The following PSD3 variants were observed in gnomAD, a reference collection of about 807,000 sequenced individuals.
PSD3 encodes the protein pleckstrin and Sec7 domain containing 3, also known as PH and SEC7 domain-containing protein 3.
PSD3 carries 49 observed loss-of-function variants against 105.5 expected under a neutral mutation model. The observed-to-expected ratio is 0.46, with a 90% CI of 0.37 to 0.59. The LOEUF (loss-of-function observed/expected upper bound fraction) is 0.59, where lower values mean the gene tolerates loss of function less well. PSD3 is among the 20% of genes least tolerant of loss of function. The probability of loss-of-function intolerance (pLI) is 0.00; values close to 1 mark genes in which losing one functional copy is unlikely to be tolerated. For missense variants in PSD3, 1,561 were observed against 1,263.8 expected, an observed-to-expected ratio of 1.24 and a Z score of -3.57; for synonymous variants, 557 against 457.8, an observed-to-expected ratio of 1.22 and a Z score of -2.77.
At chr8:18,687,611 G>A (rs1022196436) in intron 9 of PSD3, among the ~76,000 whole-genome samples, 5 of 151,730 alleles carry the variant, frequency 3.3e-5, no homozygotes, top group Non-Finnish European at 4.4e-5. Context: ...CCCTCTGCCC[G>A]AAACAAGAAC....
chr8:18,583,525 C>A (rs1336175093), intron 12 of PSD3, among the ~76,000 whole-genome samples: 1 of 152,202 alleles, frequency 6.6e-6, no homozygotes, highest in Non-Finnish European at 1.5e-5. Flanking sequence ...TAACATGGTT[C>A]TCTAGGCTCT....
intron 3 of PSD3, among the ~76,000 whole-genome samples, chr8:18,871,080 C>A (rs1397554814): frequency 6.6e-6 from 1 of 152,144 alleles, no homozygotes; most frequent in Non-Finnish European, 1.5e-5. Flanking sequence ...GCCCGGGGGA[C>A]AGAACAAGAC....
intron 2 of PSD3, among the ~76,000 whole-genome samples, chr8:18,896,409 G>A (rs1404225023): frequency 6.6e-6 from 1 of 152,050 alleles, no homozygotes; most frequent in Non-Finnish European, 1.5e-5. Flanking sequence ...TTTCCTTAGT[G>A]GCTATACTTT....
chr8:18,745,426 T>C (rs1339152905), intron 9 of PSD3, among the ~76,000 whole-genome samples: 2 of 152,236 alleles, frequency 1.3e-5, no homozygotes, highest in African/African-American at 4.8e-5. Flanking sequence ...TACTATCACT[T>C]TGTTGCTCAA....
chr8:18,548,676 C>T (rs537799625), intron 15 of PSD3, among the ~76,000 whole-genome samples: 24 of 152,298 alleles, frequency 1.6e-4, no homozygotes, highest in Middle Eastern at 3.4e-3. Context: ...CTCTGAATCC[C>T]ACCGAATTGA....
chr8:18,812,577 G>T (rs1235724094), intron 4 of PSD3, among the ~76,000 whole-genome samples: 1 of 152,178 alleles, frequency 6.6e-6, no homozygotes, highest in Non-Finnish European at 1.5e-5. Flanking sequence ...GGTCCTTTGG[G>T]AGGGCTGAGA....
intron 1 of PSD3, among the ~76,000 whole-genome samples, chr8:18,972,239 A>G (rs1824695014): frequency 6.6e-6 from 1 of 152,164 alleles, no homozygotes; most frequent in African/African-American, 2.4e-5. Context: ...TTCCAGATCC[A>G]TTTGTCTAAT....
intron 1 of PSD3, among the ~76,000 whole-genome samples, chr8:19,045,502 A>G (rs1030282625): frequency 1.3e-5 from 2 of 152,216 alleles, no homozygotes; most frequent in Non-Finnish European, 2.9e-5. Context: ...ATTTCTAAGC[A>G]ACAGCACAGA....
intron 4 of PSD3, among the ~76,000 whole-genome samples, chr8:18,814,648 T>C (rs79842915): frequency 0.017 from 2,564 of 152,298 alleles, 81 homozygotes; most frequent in African/African-American, 0.059. Flanking sequence ...TATCCAGCTT[T>C]AGAAATAGAA....
At chr8:18,678,878 C>A (rs1189005805) in intron 9 of PSD3, among the ~76,000 whole-genome samples, 1 of 152,036 alleles carries the variant, frequency 6.6e-6, no homozygotes, top group Admixed American at 6.6e-5. Flanking sequence ...TGGTTTGGTA[C>A]AACCCTAATT....
chr8:18,741,207 G>A (rs1804544887), intron 9 of PSD3, among the ~76,000 whole-genome samples: 1 of 152,306 alleles, frequency 6.6e-6, no homozygotes, highest in Admixed American at 6.5e-5. Context: ...GAGAACGAGC[G>A]AAGCATGTGA....
chr8:19,042,406 T>C (rs180743333), intron 1 of PSD3, among the ~76,000 whole-genome samples: 4 of 152,322 alleles, frequency 2.6e-5, no homozygotes, highest in Non-Finnish European at 2.9e-5. Context: ...CAAACCAAAG[T>C]GACAGATACA....
chr8:18,694,367 T>A (rs1379396160), intron 9 of PSD3, among the ~76,000 whole-genome samples: 1 of 152,170 alleles, frequency 6.6e-6, no homozygotes, highest in Non-Finnish European at 1.5e-5. Context: ...TCCCAGCACT[T>A]TAGAAGGCTG....
intron 11 of PSD3, among the ~76,000 whole-genome samples, chr8:18,605,814 T>C (rs1230469639): frequency 6.6e-6 from 1 of 152,160 alleles, no homozygotes; most frequent in Admixed American, 6.5e-5. Flanking sequence ...TCTGGTTGTT[T>C]AAAAGTGTGG....
intron 4 of PSD3, among the ~76,000 whole-genome samples, chr8:18,854,858 C>G (rs35491031): frequency 0.082 from 12,512 of 152,078 alleles, 535 homozygotes; most frequent in South Asian, 0.17. Context: ...TTTGTTTTTT[C>G]TGCTCGTGGA....
chr8:18,850,589 A>G (rs1001627133), intron 4 of PSD3, among the ~76,000 whole-genome samples: 2 of 152,212 alleles, frequency 1.3e-5, no homozygotes, highest in Non-Finnish European at 2.9e-5. Flanking sequence ...GTTTTCTAAG[A>G]CAATTGTCGT....
chr8:18,862,672 C>A (rs721629), intron 4 of PSD3, among the ~76,000 whole-genome samples: 51,468 of 151,244 alleles, frequency 0.34, 9,609 homozygotes, highest in East Asian at 0.65. Context: ...TTAAATTATT[C>A]TTTTAATATT....
chr8:19,058,226 T>C (rs1446607198), intron 1 of PSD3, among the ~76,000 whole-genome samples: 2 of 152,126 alleles, frequency 1.3e-5, no homozygotes, highest in African/African-American at 2.4e-5. Context: ...TGTTTTGATA[T>C]TCTTGAAAGC....
intron 1 of PSD3, among the ~76,000 whole-genome samples, chr8:18,987,221 A>G (rs1315213240): frequency 3.3e-5 from 5 of 152,020 alleles, no homozygotes; most frequent in Non-Finnish European, 7.4e-5. Flanking sequence ...TTTAGCTTAA[A>G]TTTTAAAACT....
Sources: allele counts gnomAD v4.1 joint callset (sites outside exome capture counted in the v4.1 genomes callset), GRCh38; gene constraint gnomAD v4.1.1; transcripts MANE v1.5; gene names NCBI Gene and HGNC (gene_info 2026-07-23, HGNC 2026-07-21).